Variants in SHANK2 observed in about 807,000 individuals in gnomAD.
SHANK2 encodes the protein SH3 and multiple ankyrin repeat domains 2.
In SHANK2, 43 loss-of-function variants were observed where a neutral mutation model predicts 133.7. The ratio of observed to expected loss-of-function variants is 0.32; its 90% CI spans 0.25 to 0.41. The LOEUF is 0.41. Among genes scored for constraint, SHANK2 ranks in the 10% least tolerant of loss-of-function variants. SHANK2 has a pLI of 1.00. For missense variants in SHANK2, 1,994 were observed against 2,235.8 expected (o/e 0.89, Z 2.18); for synonymous variants, 1,017 against 952.8 (o/e 1.07, Z -1.24).
At chr11:71,143,406 G>A (rs66521164) in intron 3 of SHANK2, among the ~76,000 whole-genome samples, 33,490 of 152,068 alleles carry the variant, frequency 0.22, 3,948 homozygotes, top group South Asian at 0.3. Context: ...CATGCTTTTC[G>A]CACAAAACAG....
At chr11:71,074,662 T>A (rs1951195270) in intron 9 of SHANK2, among the ~76,000 whole-genome samples, 2 of 152,188 alleles carry the variant, frequency 1.3e-5, no homozygotes, top group Non-Finnish European at 2.9e-5. Context: ...GACTAAACTT[T>A]TTTGGTTTGG....
rs993857515 is a variant in SHANK2, at chr11:70,731,984, C to G, written c.1778-33221G>C. On this transcript the variant is annotated intron_variant, in intron 14 of 25. Coordinates refer to ENST00000601538, the MANE Select transcript of SHANK2 (RefSeq NM_012309.5). ...TGCTCCTGGCCACTCCTGTGGCCTC[C>G]TCCTCAGCTCCCCATCCTCTGAACG... Among the ~76,000 whole-genome samples the G allele has an allele frequency of 1.2e-4, 19 of 152,268 alleles. No homozygotes were observed. The East Asian group carries it at 2.9e-3, about 23-fold the overall frequency.
Position 70,682,790 on chromosome 11 carries a change from C to T in SHANK2, c.1853+15898G>A, listed in dbSNP as rs117170262. On this transcript the variant is annotated intron_variant, in intron 15 of 25. Transcript: ENST00000601538. ...TTGTTGAACTCACTCTCTCAGGACCCAAGAGCAGCCGTGGATGGAAGAAAA... is the reference window on the plus strand; with the variant it reads ...TTGTTGAACTCACTCTCTCAGGACCTAAGAGCAGCCGTGGATGGAAGAAAA... 2.2e-3 allele frequency among the ~76,000 whole-genome samples: 335 copies of T among 152,162 alleles called. 7 individuals are homozygous for T. In the East Asian group the frequency reaches 0.058, roughly 26 times the overall value.
At chr11:71,221,378 A>G (rs1205394905) in intron 2 of SHANK2, among the ~76,000 whole-genome samples, 1 of 152,140 alleles carries the variant, frequency 6.6e-6, no homozygotes, top group Non-Finnish European at 1.5e-5. Context: ...GCCCAGCAGG[A>G]GACGGTGGCC....
intron 10 of SHANK2, among the ~76,000 whole-genome samples, chr11:70,946,364 TC>T (rs1555085440): frequency 6.9e-6 from 1 of 144,248 alleles, no homozygotes; most frequent in Admixed American, 6.9e-5. Flanking sequence ...AACCAACACT[TC>T]CCAGGATCAG....
intron 15 of SHANK2, among the ~76,000 whole-genome samples, chr11:70,667,567 C>T (rs1284734755): frequency 6.6e-6 from 1 of 152,172 alleles, no homozygotes; most frequent in Non-Finnish European, 1.5e-5. Context: ...TCCCACTGGG[C>T]GCCATGACAG....
intron 17 of SHANK2, among the ~76,000 whole-genome samples, chr11:70,629,859 C>T (rs2060959031): frequency 6.6e-6 from 1 of 152,218 alleles, no homozygotes; most frequent in South Asian, 2.1e-4. Flanking sequence ...GGCCCCCTGA[C>T]ATCCATTCTA....
At chr11:70,717,057 C>T (rs1555027493) in intron 14 of SHANK2, among the ~76,000 whole-genome samples, 1 of 152,224 alleles carries the variant, frequency 6.6e-6, no homozygotes. Flanking sequence ...TCCACCGTTA[C>T]CACGCGGAAG....
rs2058606842 is a variant in SHANK2 at position 70,472,386 on chromosome 11, A to C, written c.*483T>G. The C allele has an allele frequency of 5.5e-6, 1 of 180,514 alleles. No individual in the cohort carries two copies. Among genetic ancestry groups the C allele is most frequent in the Non-Finnish European group, 1.2e-5 (1 of 85,164 alleles). The allele number at this position is 180,514 out of a possible 1,614,324, so 11.2% of individuals were successfully genotyped here. A position where few individuals can be genotyped will look rare whatever the true frequency, so the allele number is the denominator to read the frequency against. ...AGCCAAGTGCAGGAGAAAGAGGGGC[A>C]GGTGAGCATCAGGTGTCCTCTGAGA... is the stretch of plus-strand genomic sequence containing the variant. On this transcript the variant is annotated 3_prime_UTR_variant, in exon 26 of 26. Coordinates refer to ENST00000601538, the MANE Select transcript of SHANK2 (RefSeq NM_012309.5). The surrounding 1 kb of genome is among the most constrained non-coding windows in gnomAD (Gnocchi z 4.4).
intron 14 of SHANK2, among the ~76,000 whole-genome samples, chr11:70,767,268 C>G (rs1947141801): frequency 6.6e-6 from 1 of 152,146 alleles, no homozygotes; most frequent in South Asian, 2.1e-4. Flanking sequence ...GCTCAAGATC[C>G]CAGAATGTAA....
chr11:70,569,972 G>T lies in SHANK2; in HGVS notation c.2062-67041C>A, dbSNP rs1389971144. Among the ~76,000 whole-genome samples the T allele has an allele frequency of 1.3e-5, 2 of 152,164 alleles. No individual in the cohort carries two copies. Among genetic ancestry groups the T allele is most frequent in the East Asian group, 1.9e-4 (1 of 5,178 alleles). On this transcript the variant is annotated intron_variant, in intron 17 of 25. Coordinates refer to ENST00000601538, the MANE Select transcript of SHANK2 (RefSeq NM_012309.5). This position sits in a 1 kb window ranked among gnomAD's most constrained non-coding sequence, Gnocchi z 5.1. ...GAGAGAGAAGGGAGTGAGAGACAGA[G>T]ACAGGCCCCCAGCACCATTGTGGAC...
intron 6 of SHANK2, among the ~76,000 whole-genome samples, chr11:71,097,691 G>A (rs1450219205): frequency 6.6e-6 from 1 of 152,200 alleles, no homozygotes; most frequent in Non-Finnish European, 1.5e-5. Context: ...AAGCGCAGCA[G>A]GAGGGCACTA....
intron 11 of SHANK2, among the ~76,000 whole-genome samples, chr11:70,880,499 AG>A (rs1949642998): frequency 6.6e-6 from 1 of 152,240 alleles, no homozygotes; most frequent in African/African-American, 2.4e-5. Context: ...CCGGAGAGGC[AG>A]GTGGAGCCAT....
intron 15 of SHANK2, among the ~76,000 whole-genome samples, chr11:70,686,071 C>T (rs1296482993): frequency 6.8e-6 from 1 of 147,128 alleles, no homozygotes; most frequent in African/African-American, 2.5e-5. Flanking sequence ...AGCTCCCCTT[C>T]CTTCCTTCCT....
At chr11:70,915,404 G>A (rs1189007302) in intron 10 of SHANK2, among the ~76,000 whole-genome samples, 1 of 152,172 alleles carries the variant, frequency 6.6e-6, no homozygotes, top group Non-Finnish European at 1.5e-5. Flanking sequence ...GACAGATAAT[G>A]AGAGACAATA....
At chr11:70,815,972 T>C (rs976951362) in intron 12 of SHANK2, among the ~76,000 whole-genome samples, 2 of 152,168 alleles carry the variant, frequency 1.3e-5, no homozygotes, top group African/African-American at 4.8e-5. Context: ...TACCTGGCCA[T>C]CTCTGCTTCC....
chr11:70,939,121 G>C (rs1555083911), intron 10 of SHANK2, among the ~76,000 whole-genome samples: 1 of 152,162 alleles, frequency 6.6e-6, no homozygotes. Flanking sequence ...TGAATAAGAT[G>C]ATGAGGACCA....
intron 8 of SHANK2, among the ~76,000 whole-genome samples, chr11:71,083,417 G>A (rs1951327887): frequency 6.6e-6 from 1 of 152,162 alleles, no homozygotes; most frequent in African/African-American, 2.4e-5. Flanking sequence ...TGTCATAGCT[G>A]TCTCCAGAGC....
chr11:71,102,737 G>A (rs868981387), intron 6 of SHANK2, among the ~76,000 whole-genome samples: 1 of 152,196 alleles, frequency 6.6e-6, no homozygotes, highest in African/African-American at 2.4e-5. Context: ...ACCCCTGTTC[G>A]TCCCACTGCC....
Sources: gnomAD v4.1 joint callset for allele counts (sites outside exome capture counted in the v4.1 genomes callset) on GRCh38, gnomAD v4.1.1 for gene constraint, Gnocchi (gnomAD v3.1) non-coding constraint, MANE v1.5 for transcripts, NCBI Gene and HGNC (gene_info 2026-07-23, HGNC 2026-07-21) for gene names.